The following PHF21A variants were observed in gnomAD, a reference collection of about 807,000 sequenced individuals.
PHF21A encodes the protein PHD finger protein 21A.
In PHF21A, 11 loss-of-function variants were observed where a neutral mutation model predicts 82.5. The ratio of observed to expected loss-of-function variants is 0.13; its 90% CI spans 0.08 to 0.22. The LOEUF (loss-of-function observed/expected upper bound fraction) is 0.22. Among genes scored for constraint, PHF21A ranks in the 10% least tolerant of loss-of-function variants. PHF21A has a pLI of 1.00. For missense variants in PHF21A, 579 were observed against 837.8 expected (o/e 0.69, Z 3.81); for synonymous variants, 297 against 302.8 (o/e 0.98, Z 0.20).
At position 45,971,244 on chromosome 11, in the gene PHF21A, T is replaced by C. The variant is rs367774347; in HGVS notation, c.484A>G (p.Ile162Val). 8.1e-6 allele frequency: 13 copies of C among 1,614,064 alleles called. No homozygotes were observed. In the African/African-American group the frequency reaches 1.1e-4, roughly 13 times the overall value. The change falls in exon 8 of 19, where the codon ATC (isoleucine) becomes GTC (valine). Residue 162 changes from isoleucine to valine, a missense_variant. Around this residue, in one of 3 missense-constraint regions of PHF21A, gnomAD observed 410 missense variants for 642.1 expected, o/e 0.64. Coordinates refer to ENST00000676320, the MANE Select transcript of PHF21A (RefSeq NM_001352027.3). ...CTGAGCACAGCCTTCTGACTGTTGA[T>C]GGCGGTCACCATAGCAATGGTAGGT... is the stretch of plus-strand genomic sequence containing the variant. ...QRPTIAMVTA[I>V]NSQKAVLSTD...
intron 1 of PHF21A, among the ~76,000 whole-genome samples, chr11:46,108,782 T>C (rs2097179993): frequency 6.6e-6 from 1 of 152,170 alleles, no homozygotes; most frequent in Non-Finnish European, 1.5e-5. Context: ...ACTGAAATAG[T>C]GAATGTAAAC....
Position 45,938,306 on chromosome 11 carries a change from T to C in PHF21A, c.1459A>G (p.Ile487Val). 3.1e-6 allele frequency: 5 copies of C among 1,608,474 alleles called. No individual in the cohort carries two copies. The South Asian group carries it at 3.4e-5, about 11-fold the overall frequency. ...CAAACGCTGCAAAAATCCTCATGAATATCACCCTATAAAGTTGAGAGGAAA... is the reference window on the plus strand; with the variant it reads ...CAAACGCTGCAAAAATCCTCATGAACATCACCCTATAAAGTTGAGAGGAAA... ...LPSPTSTDGDIHEDFCSVCRK... is the reference protein window; with the variant it reads ...LPSPTSTDGDVHEDFCSVCRK... Residue 487 changes from isoleucine (I) to valine (V), a missense_variant, in exon 16 of 19, where the codon ATT becomes GTT. By Grantham distance (29) the Ile-to-Val change is conservative. Coordinates refer to ENST00000676320, the MANE Select transcript of PHF21A (RefSeq NM_001352027.3).
chr11:46,012,301 A>AC (rs2095429272), intron 6 of PHF21A, among the ~76,000 whole-genome samples: 1 of 152,062 alleles, frequency 6.6e-6, no homozygotes, highest in African/African-American at 2.4e-5. Context: ...CTTTCCTGTC[A>AC]CCATCTGCTT....
intron 1 of PHF21A, among the ~76,000 whole-genome samples, chr11:46,097,826 AAC>A (rs139102461): frequency 3.3e-5 from 5 of 151,818 alleles, no homozygotes; most frequent in African/African-American, 9.7e-5. Context: ...CCCTAACTAG[AAC>A]ACACACACAC....
intron 1 of PHF21A, among the ~76,000 whole-genome samples, chr11:46,110,708 G>A (rs926674452): frequency 2.0e-5 from 3 of 152,120 alleles, no homozygotes; most frequent in Non-Finnish European, 4.4e-5. Flanking sequence ...AGCTTATAAA[G>A]TAGAAGCATA....
At chr11:46,071,729 T>C (rs1350756211) in intron 6 of PHF21A, among the ~76,000 whole-genome samples, 1 of 30,434 alleles carries the variant, frequency 3.3e-5, no homozygotes, top group Non-Finnish European at 8.5e-5. Flanking sequence ...ATATTGATAA[T>C]AGCCAAAAAA....
intron 1 of PHF21A, among the ~76,000 whole-genome samples, chr11:46,098,753 A>C (rs1471939548): frequency 6.6e-6 from 1 of 152,216 alleles, no homozygotes; most frequent in African/African-American, 2.4e-5. Flanking sequence ...TCTATAAGGC[A>C]TTATAAAAGA....
chr11:45,987,695 A>T (rs2094544177), intron 6 of PHF21A, among the ~76,000 whole-genome samples: 1 of 147,986 alleles, frequency 6.8e-6, no homozygotes, highest in Non-Finnish European at 1.5e-5. Flanking sequence ...AAAGCACCTG[A>T]ATCATTGTGT....
intron 1 of PHF21A, among the ~76,000 whole-genome samples, chr11:46,111,295 C>A (rs1477002180): frequency 6.6e-6 from 1 of 151,544 alleles, no homozygotes; most frequent in Non-Finnish European, 1.5e-5. Context: ...CATGGTGAAA[C>A]CCCATCTCTA....
chr11:46,073,088 G>T (rs1186251086), intron 6 of PHF21A, among the ~76,000 whole-genome samples: 2 of 152,138 alleles, frequency 1.3e-5, no homozygotes, highest in Non-Finnish European at 2.9e-5. Flanking sequence ...CAGCACTTTG[G>T]GAGGCCGAGG....
intron 6 of PHF21A, among the ~76,000 whole-genome samples, chr11:46,010,579 T>A (rs555628581): frequency 6.6e-6 from 1 of 152,248 alleles, no homozygotes; most frequent in Non-Finnish European, 1.5e-5. Context: ...CACCGGAGTA[T>A]GCTTTTTGGG....
At chr11:45,977,271 G>A (rs2094076187) in intron 7 of PHF21A, among the ~76,000 whole-genome samples, 1 of 151,796 alleles carries the variant, frequency 6.6e-6, no homozygotes, top group Non-Finnish European at 1.5e-5. Flanking sequence ...TGAGGAGCTG[G>A]GATTACAGGT....
intron 6 of PHF21A, among the ~76,000 whole-genome samples, chr11:46,014,852 C>T (rs2095482594): frequency 1.0e-5 from 1 of 97,030 alleles, no homozygotes; most frequent in South Asian, 3.3e-4. Context: ...TAGTGGCGGG[C>T]GCCTGTAGTC....
rs1329256347 is a variant in PHF21A at position 45,930,435 on chromosome 11, GCCTC to G, written c.*3529_*3532del. ...GCCCCACCAGGGACTGCCCCTAACT[GCCTC>G]CCTATGTCAGGTACAACCAGCAGGC... On this transcript the variant is annotated 3_prime_UTR_variant, in exon 19 of 19. Coordinates refer to ENST00000676320, the MANE Select transcript of PHF21A (RefSeq NM_001352027.3). 6 of 152,318 alleles carry G rather than the reference GCCTC, an allele frequency of 3.9e-5. No individual in the cohort carries two copies. Among genetic ancestry groups the G allele is most frequent in the African/African-American group, 1.4e-4 (6 of 41,460 alleles). 9.4% of individuals were successfully genotyped at this position (152,318 alleles called of 1,614,324 possible). A position where few individuals can be genotyped will look rare whatever the true frequency, so the allele number is the denominator to read the frequency against.
rs1487470379 is a variant in PHF21A at position 45,930,087 on chromosome 11, C to T, written c.*3881G>A. The T allele has an allele frequency of 6.6e-6, 1 of 152,252 alleles. No homozygotes were observed. The highest frequency in any genetic ancestry group is 1.5e-5 in the Non-Finnish European group (1 of 68,066). The allele number at this position is 152,252 out of a possible 1,614,324, so 9.4% of individuals were successfully genotyped here. ...GGTAAAAAGTCTCCTAAATTCAGCC[C>T]TTTAGATAAATAAGAAGGACCACGC... On this transcript the variant is annotated 3_prime_UTR_variant, in exon 19 of 19. Coordinates refer to ENST00000676320, the MANE Select transcript of PHF21A (RefSeq NM_001352027.3).
intron 11 of PHF21A, among the ~76,000 whole-genome samples, chr11:45,951,694 T>C (rs1168303829): frequency 6.6e-6 from 1 of 152,206 alleles, no homozygotes; most frequent in African/African-American, 2.4e-5. Context: ...GCACCCTCTT[T>C]TAAGCAAGTA....
Position 45,955,119 on chromosome 11 carries a change from A to C in PHF21A, c.997-1494T>G, listed in dbSNP as rs189521263. ...TCTCTCGTATTTCCCCCTTTATACT[A>C]AACGCTATGTAAGAGTGGGAATTGT... On this transcript the variant is annotated intron_variant, in intron 10 of 18. Coordinates refer to ENST00000676320, the MANE Select transcript of PHF21A (RefSeq NM_001352027.3). Among the ~76,000 whole-genome samples, 5 of 152,298 alleles carry C rather than the reference A, an allele frequency of 3.3e-5. No homozygotes were observed. In the East Asian group the frequency reaches 9.6e-4, roughly 29 times the overall value.
chr11:45,968,704 G>A (rs1591391019), intron 9 of PHF21A, among the ~76,000 whole-genome samples: 1 of 151,856 alleles, frequency 6.6e-6, no homozygotes, highest in Non-Finnish European at 1.5e-5. Context: ...CGAGGCAGGT[G>A]GATCACCCTG....
In PHF21A at chr11:46,018,963, C is replaced by T. The variant is rs185000843; in HGVS notation, c.154-38997G>A. ...TGTATCATACCGTAAGCAGCAAGAA[C>T]ACACACATCATGTAAGAAGCTAAAA... On this transcript the variant is annotated intron_variant, in intron 6 of 18. Coordinates refer to ENST00000676320, the MANE Select transcript of PHF21A (RefSeq NM_001352027.3). Among the ~76,000 whole-genome samples the T allele has an allele frequency of 7.2e-4, 110 of 152,172 alleles. 1 individual carries two copies. The highest frequency in any genetic ancestry group is 2.5e-3 in the African/African-American group (104 of 41,516).
Sources: allele counts gnomAD v4.1 joint callset (sites outside exome capture counted in the v4.1 genomes callset), GRCh38; gene constraint gnomAD v4.1.1; regional missense constraint gnomAD v4.1.1; transcripts MANE v1.5; gene names NCBI Gene and HGNC (gene_info 2026-07-23, HGNC 2026-07-21).